The following ASTN1 variants were observed in gnomAD, a reference collection of about 807,000 sequenced individuals.
ASTN1 encodes astrotactin 1.
ASTN1 carries 41 observed loss-of-function variants against 140.7 expected under a neutral mutation model. The ratio of observed to expected loss-of-function variants is 0.29; its 90% confidence interval spans 0.23 to 0.38. The LOEUF (loss-of-function observed/expected upper bound fraction) is 0.38. ASTN1 is among the 10% of genes least tolerant of loss of function. ASTN1 has a pLI of 1.00. For synonymous variants in ASTN1, 640 were observed against 652.2 expected, an observed-to-expected ratio of 0.98 and a Z score of 0.29; for missense variants, 1,479 against 1,678.8, an observed-to-expected ratio of 0.88 and a Z score of 2.08.
At chr1:176,951,022 G>A (rs778687615) in intron 11 of ASTN1, among the ~76,000 whole-genome samples, 1 of 152,144 alleles carries the variant, frequency 6.6e-6, no homozygotes. Flanking sequence ...TCATCACCAG[G>A]CAGGATATGC....
chr1:176,864,558 G>C (rs1471298940), intron 22 of ASTN1, 37 bp from the exon 23 acceptor site: 1 of 1,606,032 alleles, frequency 6.2e-7, no homozygotes, highest in Admixed American at 1.7e-5. Flanking sequence ...AAGTTAGAAA[G>C]AAGAGAGGGT....
chr1:176,936,673 T>C (rs1456104542), intron 14 of ASTN1, among the ~76,000 whole-genome samples: 1 of 152,222 alleles, frequency 6.6e-6, no homozygotes, highest in Admixed American at 6.5e-5. Flanking sequence ...CTGGCTATGT[T>C]ACTGTAGTAA....
At position 177,029,631 on chromosome 1, in the gene ASTN1, T is replaced by C; in HGVS notation, c.1120+3A>G. ...CACCTTCTGCCACCTCTATCATTCC[T>C]ACCTCTACTACGCCTCCTGCTCCTT... On this transcript the variant is annotated splice_donor_region_variant and intron_variant, in intron 5 of 22. Coordinates refer to ENST00000361833, the MANE Select transcript of ASTN1 (RefSeq NM_004319.3). 6.2e-7 allele frequency: 1 copy of C among 1,613,236 alleles called. No individual in the cohort carries two copies. The highest frequency in any genetic ancestry group is 8.5e-7 in the Non-Finnish European group (1 of 1,179,534).
chr1:176,957,899 C>T (rs1672483563), intron 10 of ASTN1, 71 bp from the exon 11 acceptor site: 1 of 1,516,436 alleles, frequency 6.6e-7, no homozygotes, highest in Non-Finnish European at 9.0e-7. Context: ...GCATTACATT[C>T]CATGCTCCTA....
At chr1:177,041,275 A>T (rs983204349) in intron 2 of ASTN1, among the ~76,000 whole-genome samples, 1 of 152,202 alleles carries the variant, frequency 6.6e-6, no homozygotes, top group Non-Finnish European at 1.5e-5. Context: ...TTTCTGAGAG[A>T]TGACATCATG....
chr1:177,072,699 C>A (rs1389849124), intron 1 of ASTN1, among the ~76,000 whole-genome samples: 2 of 152,158 alleles, frequency 1.3e-5, no homozygotes, highest in Non-Finnish European at 2.9e-5. Flanking sequence ...AAACAAAATA[C>A]ACTTTAAGGG....
chr1:177,135,483 C>T (rs1682149488), intron 1 of ASTN1, among the ~76,000 whole-genome samples: 1 of 152,034 alleles, frequency 6.6e-6, no homozygotes, highest in South Asian at 2.1e-4. Flanking sequence ...ATGGAGGAAA[C>T]GACAGCCCCA....
chr1:177,003,832 G>T (rs1674859849), intron 8 of ASTN1, among the ~76,000 whole-genome samples: 2 of 150,314 alleles, frequency 1.3e-5, no homozygotes, highest in Admixed American at 1.3e-4. Context: ...AAGAAAGAAA[G>T]AAAAGAAAAG....
intron 1 of ASTN1, among the ~76,000 whole-genome samples, chr1:177,149,121 A>G (rs565423300): frequency 1.0e-3 from 107 of 104,322 alleles, no homozygotes; most frequent in African/African-American, 3.2e-4. Flanking sequence ...TATATATAGT[A>G]AATATATATA....
intron 5 of ASTN1, among the ~76,000 whole-genome samples, chr1:177,027,080 C>T (rs1352019356): frequency 1.3e-5 from 2 of 152,202 alleles, no homozygotes; most frequent in African/African-American, 2.4e-5. Flanking sequence ...CCTGACAAGA[C>T]CATCATAGTT....
chr1:177,043,769 G>T (rs563240417), intron 2 of ASTN1, among the ~76,000 whole-genome samples: 149 of 152,286 alleles, frequency 9.8e-4, no homozygotes, highest in African/African-American at 3.5e-3. Flanking sequence ...GTACGAACAC[G>T]ATTAGAGCAT....
In ASTN1 at chr1:176,866,235, T is replaced by C. The variant is rs186753974; in HGVS notation, c.3648-1714A>G. Among the ~76,000 whole-genome samples, 60 of 152,242 alleles carry C rather than the reference T, an allele frequency of 3.9e-4. 1 individual carries two copies. The highest frequency in any genetic ancestry group is 6.8e-3 in the Middle Eastern group (2 of 294). ...GCAGAGATTGCCACTGGAGGAAGGA[T>C]TTGAGCTTCAGCAGCAAAGTCAAGG... On this transcript the variant is annotated intron_variant, in intron 22 of 22. Coordinates refer to ENST00000361833, the MANE Select transcript of ASTN1 (RefSeq NM_004319.3).
chr1:177,119,582 C>T (rs1163263295), intron 1 of ASTN1, among the ~76,000 whole-genome samples: 1 of 152,026 alleles, frequency 6.6e-6, no homozygotes, highest in Non-Finnish European at 1.5e-5. Flanking sequence ...TTTGGTTTCC[C>T]TTCCTTCTCT....
At chr1:176,957,527 C>T in intron 11 of ASTN1, 151 bp downstream of exon 11, 1 of 1,020,646 alleles carries the variant, frequency 9.8e-7, no homozygotes, top group African/African-American at 1.6e-5. Context: ...CCTTCTCATC[C>T]TTATCAAGAG....
intron 14 of ASTN1, among the ~76,000 whole-genome samples, chr1:176,943,507 C>T (rs551901864): frequency 6.6e-6 from 1 of 152,038 alleles, no homozygotes; most frequent in Non-Finnish European, 1.5e-5. Flanking sequence ...TAAATACTTG[C>T]CAGGAAACCC....
intron 1 of ASTN1, among the ~76,000 whole-genome samples, chr1:177,131,063 C>T (rs1226619786): frequency 6.6e-6 from 1 of 152,188 alleles, no homozygotes; most frequent in East Asian, 1.9e-4. Flanking sequence ...CTTGTCTATC[C>T]TCCCAGATGG....
intron 8 of ASTN1, among the ~76,000 whole-genome samples, chr1:176,969,306 A>G (rs1673029908): frequency 6.6e-6 from 1 of 152,160 alleles, no homozygotes. Context: ...TTCATTCCAA[A>G]CAGCTAAGAC....
intron 16 of ASTN1, among the ~76,000 whole-genome samples, chr1:176,911,856 GT>G (rs1670255441): frequency 6.6e-6 from 1 of 152,200 alleles, no homozygotes; most frequent in South Asian, 2.1e-4. Flanking sequence ...ATAATTGTGT[GT>G]GTTAGACTTT....
intron 1 of ASTN1, among the ~76,000 whole-genome samples, chr1:177,116,070 G>T (rs958890241): frequency 6.6e-6 from 1 of 152,078 alleles, no homozygotes; most frequent in African/African-American, 2.4e-5. Flanking sequence ...TCCTAACATT[G>T]TCATGAAACC....
Sources: gnomAD v4.1 joint callset for allele counts (sites outside exome capture counted in the v4.1 genomes callset) on GRCh38, gnomAD v4.1.1 for gene constraint, MANE v1.5 for transcripts, NCBI Gene and HGNC (gene_info 2026-07-23, HGNC 2026-07-21) for gene names.